The following AGL variants were observed in gnomAD, a reference collection of about 807,000 sequenced individuals.
AGL encodes the protein glycogen debranching enzyme.
AGL carries 128 observed loss-of-function variants against 199.3 expected under a neutral mutation model. The ratio of observed to expected loss-of-function variants is 0.64; its 90% CI spans 0.56 to 0.74. AGL has a LOEUF of 0.74. AGL is among the 30% of genes least tolerant of loss of function. The probability of loss-of-function intolerance (pLI) is 0.00; values close to 1 mark genes in which losing one functional copy is unlikely to be tolerated. For synonymous variants in AGL, 584 were observed against 594.7 expected, an observed-to-expected ratio of 0.98 and a Z score of 0.26; for missense variants, 1,809 against 1,820.8, an observed-to-expected ratio of 0.99 and a Z score of 0.12.
At chr1:99,866,762 T>C (rs77616361) in intron 5 of AGL, among the ~76,000 whole-genome samples, 1 of 152,164 alleles carries the variant, frequency 6.6e-6, no homozygotes, top group Non-Finnish European at 1.5e-5. Flanking sequence ...TTGAAAAGTG[T>C]TGCAAATCGT....
At chr1:99,861,219 A>G (rs1343829819) in intron 2 of AGL, 5 of 1,280,258 alleles carry the variant, frequency 3.9e-6, no homozygotes, top group Admixed American at 3.5e-5. Flanking sequence ...TTGTATAAGA[A>G]TTTGCACATC....
intron 17 of AGL, among the ~76,000 whole-genome samples, chr1:99,883,099 C>A (rs12038567): frequency 0.52 from 78,381 of 151,888 alleles, 20,671 homozygotes; most frequent in East Asian, 0.67. Context: ...TTCGTACGTT[C>A]TGTTATTATG....
At position 99,880,747 on chromosome 1, in the gene AGL, A is replaced by C. The variant is rs761314017; in HGVS notation, c.1851A>C (p.Ala617=). 1.2e-6 allele frequency: 2 copies of C among 1,614,074 alleles called. No homozygotes were observed. The highest frequency in any genetic ancestry group is 2.2e-5 in the South Asian group (2 of 91,084). Residue 617 remains alanine (A), a synonymous_variant, in exon 14 of 34, where the codon GCA becomes GCC. Coordinates refer to ENST00000361915, the MANE Select transcript of AGL (RefSeq NM_000642.3). ...TGAGGCCTTTAATGCCAGCTATTGC[A>C]CATGCCCTGTTTATGGATATTACGC... is the stretch of plus-strand genomic sequence containing the variant. ...PCLRPLMPAI[A]HALFMDITHD...
intron 7 of AGL, chr1:99,874,483 C>A (rs1240234472): frequency 1.4e-5 from 8 of 556,138 alleles, no homozygotes; most frequent in Non-Finnish European, 2.5e-5. Flanking sequence ...CCCCCACACC[C>A]CTCGTGTGTG....
chr1:99,852,231 TTTC>T (rs1342456000), intron 2 of AGL, among the ~76,000 whole-genome samples: 3 of 152,184 alleles, frequency 2.0e-5, no homozygotes, highest in African/African-American at 7.2e-5. Flanking sequence ...AGCCTTGAGC[TTTC>T]TTCTTCTTGG....
chr1:99,903,835 G>T lies in AGL; in HGVS notation c.3700+1041G>T, dbSNP rs549277541. Among the ~76,000 whole-genome samples the T allele has an allele frequency of 2.3e-3, 345 of 152,248 alleles. 2 individuals are homozygous for T. The Middle Eastern group carries it at 0.034, about 15-fold the overall frequency. ...TTTTTAATGATTGCCATTCTAACTG[G>T]TGTGAGATGGTATCTCATTGTGGTT... On this transcript the variant is annotated intron_variant, in intron 27 of 33. Transcript: ENST00000361915.
chr1:99,852,559 A>G (rs1320681069), intron 2 of AGL: 3 of 352,406 alleles, frequency 8.5e-6, no homozygotes, highest in African/African-American at 3.0e-5. Flanking sequence ...TTTTTTTTGT[A>G]GAAACTGGGT....
chr1:99,881,046 A>C, intron 14 of AGL, 30 bp from the exon 15 acceptor site: 1 of 1,579,942 alleles, frequency 6.3e-7, no homozygotes, highest in Non-Finnish European at 8.7e-7. Flanking sequence ...AAAGAAAGCA[A>C]ACTTTTGCTT....
At position 99,915,418 on chromosome 1, in the gene AGL, A is replaced by T. The variant is rs1182538102; in HGVS notation, c.4191A>T (p.Ala1397=). ...VAPELFTTEK[A]WKALEIAEKK... is the part of the protein sequence containing the mutation. ...CTGAGCTCTTTACTACAGAAAAAGCATGGAAAGCTTTGGAGATTGCAGAAA... is the reference window on the plus strand; with the variant it reads ...CTGAGCTCTTTACTACAGAAAAAGCTTGGAAAGCTTTGGAGATTGCAGAAA... The change falls in exon 31 of 34, where the codon GCA becomes GCT. Residue 1397 remains alanine, a synonymous_variant. Coordinates refer to ENST00000361915, the MANE Select transcript of AGL (RefSeq NM_000642.3). 1 of 1,613,872 alleles carries T rather than the reference A, an allele frequency of 6.2e-7. No individual in the cohort carries two copies. Among genetic ancestry groups the T allele is most frequent in the Non-Finnish European group, 8.5e-7 (1 of 1,179,964 alleles).
At chr1:99,898,019 T>A (rs1653468005) in intron 25 of AGL, among the ~76,000 whole-genome samples, 1 of 152,140 alleles carries the variant, frequency 6.6e-6, no homozygotes, top group African/African-American at 2.4e-5. Context: ...ACCTGTTTTG[T>A]ATGGCCTATG....
At chr1:99,873,188 TTATA>T (rs1651176991) in intron 7 of AGL, among the ~76,000 whole-genome samples, 1 of 152,142 alleles carries the variant, frequency 6.6e-6, no homozygotes, top group African/African-American at 2.4e-5. Flanking sequence ...TTTTTGTGTA[TTATA>T]TAAAGAAGAT....
intron 30 of AGL, among the ~76,000 whole-genome samples, chr1:99,914,572 G>A (rs1654977232): frequency 6.6e-6 from 1 of 152,118 alleles, no homozygotes; most frequent in African/African-American, 2.4e-5. Flanking sequence ...AGTACACAAA[G>A]GTAGCTTTGG....
chr1:99,857,847 A>AGAGGGAGACCGTGGGG (rs1557743553), intron 2 of AGL, among the ~76,000 whole-genome samples: 17 of 8,196 alleles, frequency 2.1e-3, no homozygotes, highest in African/African-American at 3.4e-3. Flanking sequence ...GGGGAGGGGG[A>AGAGGGAGACCGTGGGG]GGGGGGAAGA....
At chr1:99,873,562 G>A (rs1409168420) in intron 7 of AGL, among the ~76,000 whole-genome samples, 1 of 151,844 alleles carries the variant, frequency 6.6e-6, no homozygotes, top group Non-Finnish European at 1.5e-5. Flanking sequence ...AGCCTCCCGA[G>A]TAGCTGGGAT....
intron 24 of AGL, among the ~76,000 whole-genome samples, chr1:99,895,191 G>A (rs1352635191): frequency 2.0e-5 from 3 of 152,128 alleles, no homozygotes; most frequent in Non-Finnish European, 4.4e-5. Context: ...TGGGATTACA[G>A]GCACCCACTA....
chr1:99,887,597 G>T (rs1452448148), intron 20 of AGL, among the ~76,000 whole-genome samples: 1 of 152,020 alleles, frequency 6.6e-6, no homozygotes, highest in Admixed American at 6.6e-5. Flanking sequence ...ATAAAGGAGA[G>T]AAATCAGATG....
At chr1:99,861,351 C>G (rs569245077) in intron 2 of AGL, 152 bp from the exon 3 acceptor site, 3 of 1,513,494 alleles carry the variant, frequency 2.0e-6, no homozygotes, top group African/African-American at 1.4e-5. Context: ...AATTGGAATA[C>G]AAAGTAGTGC....
chr1:99,877,542 G>A (rs1276560805), intron 11 of AGL, 99 bp from the exon 12 acceptor site: 2 of 1,062,394 alleles, frequency 1.9e-6, no homozygotes, highest in South Asian at 1.3e-5. Flanking sequence ...ATCATTTATG[G>A]CAGAAATGAT....
chr1:99,861,340 A>G, intron 2 of AGL, 163 bp from the exon 3 acceptor site: 1 of 1,496,794 alleles, frequency 6.7e-7, no homozygotes, highest in Non-Finnish European at 8.9e-7. Context: ...AAATTCAGCT[A>G]AATTGGAATA....
Sources: allele counts gnomAD v4.1 joint callset (sites outside exome capture counted in the v4.1 genomes callset), GRCh38; gene constraint gnomAD v4.1.1; transcripts MANE v1.5; gene names NCBI Gene and HGNC (gene_info 2026-07-23, HGNC 2026-07-21).